The following SLC41A1 variants were observed in gnomAD, a reference collection of about 807,000 sequenced individuals.
SLC41A1 encodes solute carrier family 41 member 1.
Under a neutral mutation model 47.3 loss-of-function variants are expected in SLC41A1, and 20 were observed. The ratio of observed to expected loss-of-function variants is 0.42; its 90% CI spans 0.30 to 0.61. The LOEUF (loss-of-function observed/expected upper bound fraction) is 0.61, where lower values mean the gene tolerates loss of function less well. SLC41A1 is among the 20% of genes least tolerant of loss of function. The probability of loss-of-function intolerance (pLI) is 0.17; values close to 1 mark genes in which losing one functional copy is unlikely to be tolerated. For missense variants in SLC41A1, 504 were observed against 674.1 expected, an observed-to-expected ratio of 0.75 and a Z score of 2.79; for synonymous variants, 282 against 272.7, an observed-to-expected ratio of 1.03 and a Z score of -0.34.
intron 10 of SLC41A1, among the ~76,000 whole-genome samples, chr1:205,792,349 C>T (rs1655645029): frequency 6.6e-6 from 1 of 152,132 alleles, no homozygotes; most frequent in Non-Finnish European, 1.5e-5. Flanking sequence ...TAACATTAGT[C>T]CTAATAAAGT....
intron 2 of SLC41A1, among the ~76,000 whole-genome samples, chr1:205,802,764 TA>T (rs1655917444): frequency 6.6e-6 from 1 of 151,314 alleles, no homozygotes; most frequent in Non-Finnish European, 1.5e-5. Context: ...TAAAATAAAA[TA>T]AAATAGATAA....
Position 205,795,454 on chromosome 1 carries a change from A to G in SLC41A1, c.1097T>C (p.Val366Ala), listed in dbSNP as rs1205055635. 1 of 1,614,176 alleles carries G rather than the reference A, an allele frequency of 6.2e-7. No homozygotes were observed. Among genetic ancestry groups the G allele is most frequent in the South Asian group, 1.1e-5 (1 of 91,074 alleles). ...GAAGGTGGAGATGCGGCTGGCCTGC[A>G]CTGCCACCAGATTGCCCCCAACACC... is the stretch of plus-strand genomic sequence containing the variant. ...INGVGGNLVA[V>A]QASRISTFLH... The change falls in exon 9 of 11, where the codon GTG (valine) becomes GCG (alanine). Residue 366 changes from valine to alanine, a missense_variant. Val to Ala is a moderately conservative substitution (Grantham distance 64, BLOSUM62 0). Coordinates refer to ENST00000367137, the MANE Select transcript of SLC41A1 (RefSeq NM_173854.6).
Position 205,791,845 on chromosome 1 carries a change from C to G in SLC41A1, c.1357-127G>C. On this transcript the variant is annotated intron_variant, in intron 10 of 10. Transcript: ENST00000367137. This position sits in a 1 kb window ranked among gnomAD's most constrained non-coding sequence, Gnocchi z 4.0. ...GCCATAATCCTTACTTTTTAATCTTCCTCTTTCCACCCCAGCAACCTCTCT... is the reference window on the plus strand; with the variant it reads ...GCCATAATCCTTACTTTTTAATCTTGCTCTTTCCACCCCAGCAACCTCTCT... 1.7e-6 allele frequency: 2 copies of G among 1,181,270 alleles called. No homozygotes were observed. Among genetic ancestry groups the G allele is most frequent in the East Asian group, 2.6e-5 (1 of 39,138 alleles). 73.2% of individuals were successfully genotyped at this position (1,181,270 alleles called of 1,614,324 possible).
intron 2 of SLC41A1, among the ~76,000 whole-genome samples, chr1:205,804,487 C>T (rs1035755679): frequency 6.6e-6 from 1 of 152,180 alleles, no homozygotes; most frequent in Non-Finnish European, 1.5e-5. Context: ...TCTCCAAACA[C>T]TGAAGGGAAG....
intron 1 of SLC41A1, among the ~76,000 whole-genome samples, chr1:205,812,270 G>A (rs1269831641): frequency 6.6e-6 from 1 of 152,192 alleles, no homozygotes. Context: ...TTTAGGAAAG[G>A]AGGTATCAAA....
intron 6 of SLC41A1, among the ~76,000 whole-genome samples, chr1:205,798,370 A>G (rs1655796450): frequency 6.6e-6 from 1 of 152,128 alleles, no homozygotes; most frequent in Non-Finnish European, 1.5e-5. Context: ...TTCATTTTGC[A>G]AGCAGATCTA....
intron 2 of SLC41A1, among the ~76,000 whole-genome samples, chr1:205,806,365 C>T (rs1656014661): frequency 6.6e-6 from 1 of 152,224 alleles, no homozygotes; most frequent in South Asian, 2.1e-4. Context: ...GCACTTTCAT[C>T]GTTGTAGACT....
At chr1:205,795,866 TGCCTCACC>T (rs112312142) in intron 8 of SLC41A1, 298,403 of 344,994 alleles carry the variant, frequency 0.86, 131,784 homozygotes, top group Non-Finnish European at 0.94. Context: ...AGCCCTGCCT[TGCCTCACC>T]GCCTCACCTC....
intron 1 of SLC41A1, among the ~76,000 whole-genome samples, chr1:205,811,614 G>A (rs1656156140): frequency 6.6e-6 from 1 of 152,232 alleles, no homozygotes; most frequent in Non-Finnish European, 1.5e-5. Flanking sequence ...TGATTGCTGA[G>A]TGAAGTCCCC....
rs763075841 is a variant in SLC41A1, at chr1:205,801,070, G to A, written c.373-10C>T. On this transcript the variant is annotated splice_polypyrimidine_tract_variant and intron_variant, in intron 2 of 10. Coordinates refer to ENST00000367137, the MANE Select transcript of SLC41A1 (RefSeq NM_173854.6). ...GGAAGACTTCCCAGTGCTACGAGGTGAAAACAGAACCCAGGAATTTCAGTG... is the reference window on the plus strand; with the variant it reads ...GGAAGACTTCCCAGTGCTACGAGGTAAAAACAGAACCCAGGAATTTCAGTG... 5 of 1,611,842 alleles carry A rather than the reference G, an allele frequency of 3.1e-6. No homozygotes were observed.
chr1:205,796,109 C>T (rs1026836173), intron 8 of SLC41A1: 8 of 160,186 alleles, frequency 5.0e-5, no homozygotes, highest in African/African-American at 1.9e-4. Context: ...ACCCAGTCTC[C>T]CTTGCTGGCT....
At chr1:205,795,260 G>A (rs988715722) in intron 9 of SLC41A1, 84 bp downstream of exon 9, 34 of 1,601,864 alleles carry the variant, frequency 2.1e-5, no homozygotes, top group Non-Finnish European at 2.9e-5. Flanking sequence ...CTGTGGATCT[G>A]GGGCCCCAGC....
rs1331416201 is a variant in SLC41A1 at position 205,810,317 on chromosome 1, G to C, written c.125C>G (p.Pro42Arg). The stretch of plus-strand genomic sequence containing the variant: ...CACCACCTCTACCCCAGCCCCATCA[G>C]GCCCCAGGAACTCTGAGGTCCCAGC... ...PLAGTSEFLG[P>R]DGAGVEVVIE... Residue 42 changes from proline to arginine, a missense_variant, in exon 2 of 11, where the codon CCT (proline) becomes CGT (arginine). Coordinates refer to ENST00000367137, the MANE Select transcript of SLC41A1 (RefSeq NM_173854.6). This position sits in a 1 kb window ranked among gnomAD's most constrained non-coding sequence, Gnocchi z 5.5. 1.2e-6 allele frequency: 2 copies of C among 1,614,070 alleles called. No homozygotes were observed.
At chr1:205,806,042 G>T (rs918641385) in intron 2 of SLC41A1, among the ~76,000 whole-genome samples, 1 of 152,244 alleles carries the variant, frequency 6.6e-6, no homozygotes, top group African/African-American at 2.4e-5. Flanking sequence ...TGATCTTTTA[G>T]GGTAAGGACT....
At chr1:205,807,648 GTCTTT>G (rs1656044956) in intron 2 of SLC41A1, among the ~76,000 whole-genome samples, 2 of 100,124 alleles carry the variant, frequency 2.0e-5, no homozygotes, top group African/African-American at 6.7e-5. Flanking sequence ...TCCTCGTAGA[GTCTTT>G]TTTTTTTTTT....
chr1:205,804,141 A>G (rs1257862263), intron 2 of SLC41A1, among the ~76,000 whole-genome samples: 1 of 152,220 alleles, frequency 6.6e-6, no homozygotes, highest in Non-Finnish European at 1.5e-5. Context: ...ATTTTTTACC[A>G]CAATAACCAA....
chr1:205,807,047 CCATGGTCTTGGGGCACTTT>C (rs1387556185), intron 2 of SLC41A1, among the ~76,000 whole-genome samples: 2 of 151,942 alleles, frequency 1.3e-5, no homozygotes, highest in Admixed American at 1.3e-4. Context: ...CCAGATGGCC[CCATGGTCTTGGGGCACTTT>C]CAGATTCTCT....
At chr1:205,812,484 G>A (rs950266836) in intron 1 of SLC41A1, among the ~76,000 whole-genome samples, 2 of 152,190 alleles carry the variant, frequency 1.3e-5, no homozygotes, top group Non-Finnish European at 2.9e-5. Context: ...CCTCCCTCCT[G>A]TGTTCCTGGC....
chr1:205,809,383 G>A (rs1239057435), intron 2 of SLC41A1, among the ~76,000 whole-genome samples: 2 of 152,188 alleles, frequency 1.3e-5, no homozygotes, highest in African/African-American at 4.8e-5. Flanking sequence ...TGACAGGTGA[G>A]GAGCAAAGAG....
Sources: gnomAD v4.1 joint callset for allele counts (sites outside exome capture counted in the v4.1 genomes callset) on GRCh38, gnomAD v4.1.1 for gene constraint, Gnocchi (gnomAD v3.1) non-coding constraint, MANE v1.5 for transcripts, NCBI Gene and HGNC (gene_info 2026-07-23, HGNC 2026-07-21) for gene names.